ATXN2: variants seen among roughly 807,000 people sequenced by gnomAD.
The protein encoded by ATXN2 is ataxin 2.
A neutral mutation model predicts 138.6 loss-of-function variants in ATXN2; 37 were observed. That is an observed-to-expected ratio of 0.27 (90% CI 0.21 to 0.35). ATXN2 has a LOEUF of 0.35. Among genes scored for constraint, ATXN2 ranks in the 10% least tolerant of loss-of-function variants. The pLI, the probability that ATXN2 is intolerant of heterozygous loss-of-function variation, is 1.00. For missense variants in ATXN2, 1,216 were observed against 1,480.3 expected (o/e 0.82, Z 2.93); for synonymous variants, 549 against 543.7 (o/e 1.01, Z -0.13).
chr12:111,556,614 G>A (rs1448309888), intron 1 of ATXN2, among the ~76,000 whole-genome samples: 1 of 151,836 alleles, frequency 6.6e-6, no homozygotes, highest in East Asian at 1.9e-4. Context: ...TCAGGAGTTC[G>A]AGACCATCCT....
At position 111,453,603 on chromosome 12, in the gene ATXN2, C is replaced by T; in HGVS notation, c.3439+74G>A. The T allele has an allele frequency of 6.8e-7, 1 of 1,468,166 alleles. No homozygotes were observed. The highest frequency in any genetic ancestry group is 9.0e-7 in the Non-Finnish European group (1 of 1,106,368). 90.9% of individuals were successfully genotyped at this position (1,468,166 alleles called of 1,614,324 possible). A position where few individuals can be genotyped will look rare whatever the true frequency, so the allele number is the denominator to read the frequency against. On this transcript the variant is annotated intron_variant, in intron 24 of 24. Transcript: ENST00000673436. This position sits in a 1 kb window ranked among gnomAD's most constrained non-coding sequence, Gnocchi z 5.4. ...CAAATGCGGGGCTTGAAGCACTGGC[C>T]CTGCCTGCCATTCCACCTGTGCGAG...
In ATXN2 at chr12:111,571,458, G is replaced by C. The variant is rs542376944; in HGVS notation, c.252-15539C>G. ...TTTAATTATTAGAATTAGTTTCATG[G>C]AAAATTTGGGCTAGATCTTAAAGGG... On this transcript the variant is annotated intron_variant, in intron 1 of 24. Coordinates refer to ENST00000673436, the MANE Select transcript of ATXN2 (RefSeq NM_001372574.1). Among the ~76,000 whole-genome samples the C allele has an allele frequency of 4.6e-4, 70 of 152,026 alleles. 1 individual carries two copies. In the South Asian group the frequency reaches 0.013, roughly 29 times the overall value.
intron 1 of ATXN2, among the ~76,000 whole-genome samples, chr12:111,559,297 C>A (rs1882548611): frequency 6.7e-6 from 1 of 149,936 alleles, no homozygotes; most frequent in Non-Finnish European, 1.5e-5. Context: ...GACGGGGTTT[C>A]ACCATGTTGG....
intron 14 of ATXN2, among the ~76,000 whole-genome samples, chr12:111,489,431 G>A (rs761031955): frequency 1.3e-5 from 2 of 151,872 alleles, no homozygotes; most frequent in African/African-American, 2.4e-5. Context: ...TGGCTCACAC[G>A]CTGAAACCCC....
In ATXN2 at chr12:111,552,246, A is replaced by C. The variant is rs771273897; in HGVS notation, c.571+34T>G. On this transcript the variant is annotated intron_variant, in intron 5 of 24. Transcript: ENST00000673436. The surrounding 1 kb of genome is among the most constrained non-coding windows in gnomAD (Gnocchi z 4.1). Reference sequence around the variant, plus strand: ...AATCTTTGCTTGAATAAATCTAATAAACCATGAGGCATATTTAGGAAATCA... The same window carrying C: ...AATCTTTGCTTGAATAAATCTAATACACCATGAGGCATATTTAGGAAATCA... The C allele has an allele frequency of 1.5e-5, 23 of 1,541,362 alleles. No individual in the cohort carries two copies. Among genetic ancestry groups the C allele is most frequent in the Non-Finnish European group, 2.0e-5 (23 of 1,149,310 alleles).
chr12:111,469,252 G>T (rs1393044639), intron 20 of ATXN2: 2 of 152,044 alleles, frequency 1.3e-5, no homozygotes, highest in East Asian at 3.9e-4. Context: ...CGACACTACG[G>T]TAGTTCTCAG....
At chr12:111,561,304 G>T (rs571263070) in intron 1 of ATXN2, among the ~76,000 whole-genome samples, 1 of 151,488 alleles carries the variant, frequency 6.6e-6, no homozygotes, top group South Asian at 2.1e-4. Flanking sequence ...GACCAGCCTG[G>T]CAACATGCTC....
At chr12:111,513,804 TTGG>T (rs929702338) in intron 10 of ATXN2, among the ~76,000 whole-genome samples, 2 of 152,104 alleles carry the variant, frequency 1.3e-5, no homozygotes, top group African/African-American at 4.8e-5. Context: ...AGGGATGAAG[TTGG>T]TGGTAAGAAA....
At chr12:111,566,799 C>T (rs1213403031) in intron 1 of ATXN2, among the ~76,000 whole-genome samples, 3 of 151,974 alleles carry the variant, frequency 2.0e-5, no homozygotes, top group Non-Finnish European at 4.4e-5. Flanking sequence ...ACCACATCCC[C>T]GCTAATTTTT....
At chr12:111,496,800 T>A (rs558681927) in intron 14 of ATXN2, among the ~76,000 whole-genome samples, 2 of 152,062 alleles carry the variant, frequency 1.3e-5, no homozygotes, top group East Asian at 1.9e-4. Flanking sequence ...AAAAACTTCA[T>A]CTGCCAATAC....
chr12:111,551,819 C>T (rs1882136744), intron 5 of ATXN2, among the ~76,000 whole-genome samples: 1 of 152,120 alleles, frequency 6.6e-6, no homozygotes, highest in African/African-American at 2.4e-5. Flanking sequence ...AATGCATTAA[C>T]ATTCTCATTT....
At chr12:111,551,282 C>T (rs1003537799) in intron 5 of ATXN2, among the ~76,000 whole-genome samples, 1 of 141,132 alleles carries the variant, frequency 7.1e-6, no homozygotes, top group Non-Finnish European at 1.5e-5. Flanking sequence ...GGGGACAGAA[C>T]AAGACTCCGT....
intron 14 of ATXN2, among the ~76,000 whole-genome samples, chr12:111,504,195 A>C (rs1180876459): frequency 6.6e-6 from 1 of 152,234 alleles, no homozygotes; most frequent in Non-Finnish European, 1.5e-5. Context: ...GATAAGACAT[A>C]GAGATTCAGT....
chr12:111,554,689 G>C (rs1209021169), intron 2 of ATXN2, among the ~76,000 whole-genome samples: 4 of 152,186 alleles, frequency 2.6e-5, no homozygotes, highest in African/African-American at 9.6e-5. Context: ...TCAATGGTTG[G>C]AGAGAGAGGA....
At chr12:111,457,847 G>C (rs1031677840) in intron 21 of ATXN2, 1 of 152,766 alleles carries the variant, frequency 6.5e-6, no homozygotes, top group African/African-American at 2.4e-5. Context: ...TCTATCATCA[G>C]GGCCGAAGGA....
intron 1 of ATXN2, among the ~76,000 whole-genome samples, chr12:111,566,840 G>A (rs1435066317): frequency 2.6e-5 from 4 of 152,192 alleles, no homozygotes; most frequent in East Asian, 1.9e-4. Context: ...GTTTCACCAC[G>A]TTTGCCAGAC....
At chr12:111,560,206 G>A (rs1395699625) in intron 1 of ATXN2, among the ~76,000 whole-genome samples, 1 of 151,930 alleles carries the variant, frequency 6.6e-6, no homozygotes, top group African/African-American at 2.4e-5. Flanking sequence ...TCAATCACTC[G>A]AGATTAAAAA....
intron 5 of ATXN2, 44 bp from the exon 6 acceptor site, chr12:111,525,360 T>G: frequency 6.7e-7 from 1 of 1,488,974 alleles, no homozygotes; most frequent in Non-Finnish European, 9.0e-7. Context: ...AATCTGGCAA[T>G]CAGTTACACT....
rs1875808764 is a variant in ATXN2, at chr12:111,464,248, GT to G, written c.2896+413del. Among the ~76,000 whole-genome samples, 36 of 55,120 alleles carry G rather than the reference GT, an allele frequency of 6.5e-4. No individual in the cohort carries two copies. The African/African-American group carries it at 7.6e-3, about 12-fold the overall frequency. The allele number at this position is 55,120 out of a possible 152,430, so 36.2% of individuals were successfully genotyped here. On this transcript the variant is annotated intron_variant, in intron 21 of 24. Coordinates refer to ENST00000673436, the MANE Select transcript of ATXN2 (RefSeq NM_001372574.1). Reference sequence around the variant, plus strand: ...GTTTATACCAAGCTTGTGGCTTGGGGTGTGTGTGTGTGTGTGTGTGTGTGTG... The same window carrying G: ...GTTTATACCAAGCTTGTGGCTTGGGGGTGTGTGTGTGTGTGTGTGTGTGTG...
Sources: gnomAD v4.1 joint callset for allele counts (sites outside exome capture counted in the v4.1 genomes callset) on GRCh38, gnomAD v4.1.1 for gene constraint, Gnocchi (gnomAD v3.1) non-coding constraint, MANE v1.5 for transcripts, NCBI Gene and HGNC (gene_info 2026-07-23, HGNC 2026-07-21) for gene names.